ACSM4: variants seen among roughly 807,000 people sequenced by gnomAD.
ACSM4 encodes the protein acyl-coenzyme A synthetase ACSM4, mitochondrial.
ACSM4 carries 66 observed loss-of-function variants against 73.0 expected under a neutral mutation model. The ratio of observed to expected loss-of-function variants is 0.90; its 90% confidence interval spans 0.74 to 1.11. The LOEUF is 1.11. ACSM4 is among the 50% of genes least tolerant of loss of function. The pLI, the probability that ACSM4 is intolerant of heterozygous loss-of-function variation, is 0.00. For missense variants in ACSM4, 645 were observed against 714.4 expected, an observed-to-expected ratio of 0.90 and a Z score of 1.11; for synonymous variants, 222 against 254.0, an observed-to-expected ratio of 0.87 and a Z score of 1.20.
chr12:7,307,480 T>C (rs919312798), intron 2 of ACSM4, among the ~76,000 whole-genome samples: 2 of 152,112 alleles, frequency 1.3e-5, no homozygotes, highest in African/African-American at 4.8e-5. Context: ...AAAAAAAAGA[T>C]ACAACAAGAA....
rs956898548 is a variant in ACSM4, at chr12:7,317,314, C to T, written c.764+34C>T. The T allele has an allele frequency of 2.6e-6, 4 of 1,534,486 alleles. No homozygotes were observed. The Admixed American group carries it at 6.2e-5, about 24-fold the overall frequency. ...GAAAATTCAGTTTGTTTTTGGTGAA[C>T]TCCCCCAAAGCTGCGAATATGCGTA... On this transcript the variant is annotated intron_variant, in intron 4 of 12. Coordinates refer to ENST00000399422, the MANE Select transcript of ACSM4 (RefSeq NM_001080454.2).
chr12:7,318,131 CTG>C lies in ACSM4; in HGVS notation c.874_875del (p.Val292PhefsTer9). ...TGTTTTCTTCCTGGCTGTGTGGAGC[CTG>C]TGTTTTTGTGCATCGAATGGCACAG... ...SVFSSWLCGA[C>X]VFVHRMAQFD... is the part of the protein sequence containing the mutation. On this transcript the variant is annotated frameshift_variant, in exon 5 of 13. Coordinates refer to ENST00000399422, the MANE Select transcript of ACSM4 (RefSeq NM_001080454.2). LOFTEE classifies it high-confidence loss of function. The C allele has an allele frequency of 6.2e-7, 1 of 1,613,802 alleles. No individual in the cohort carries two copies. Among genetic ancestry groups the C allele is most frequent in the South Asian group, 1.1e-5 (1 of 91,066 alleles).
In ACSM4 at chr12:7,324,263, T is replaced by C. The variant is rs763753665; in HGVS notation, c.1309-10T>C. 7.4e-6 allele frequency: 12 copies of C among 1,611,194 alleles called. No individual in the cohort carries two copies. Among genetic ancestry groups the C allele is most frequent in the Non-Finnish European group, 1.0e-5 (12 of 1,179,094 alleles). The stretch of plus-strand genomic sequence containing the variant: ...CAGACTAATCCCCAAATGTCATCCT[T>C]GGTTCCCAGGACAATCCACAGAAAA... On this transcript the variant is annotated splice_polypyrimidine_tract_variant and intron_variant, in intron 9 of 12. Coordinates refer to ENST00000399422, the MANE Select transcript of ACSM4 (RefSeq NM_001080454.2).
intron 5 of ACSM4, among the ~76,000 whole-genome samples, chr12:7,320,087 T>A (rs939295048): frequency 1.3e-5 from 2 of 152,190 alleles, no homozygotes; most frequent in African/African-American, 4.8e-5. Flanking sequence ...TTAAGTTTAA[T>A]ACAAATTGTC....
At position 7,306,847 on chromosome 12, in the gene ACSM4, C is replaced by CAAAAAAAAA. The variant is rs59277746; in HGVS notation, c.412+113_412+121dup. On this transcript the variant is annotated intron_variant, in intron 2 of 12. Transcript: ENST00000399422. ...TGATTAAAAGTATGCATACAGAAGA[C>CAAAAAAAAA]AAAAAAAAAAAAAAAAAGAAGAGTT... The CAAAAAAAAA allele has an allele frequency of 3.5e-5, 17 of 488,336 alleles. 1 individual carries two copies. Among genetic ancestry groups the CAAAAAAAAA allele is most frequent in the Middle Eastern group, 6.0e-4 (1 of 1,656 alleles). 30.3% of individuals were successfully genotyped at this position (488,336 alleles called of 1,614,324 possible).
chr12:7,316,563 C>T (rs1029593167), intron 3 of ACSM4, among the ~76,000 whole-genome samples: 1 of 152,194 alleles, frequency 6.6e-6, no homozygotes, highest in African/African-American at 2.4e-5. Flanking sequence ...CAGGGACAGT[C>T]TCCCCTGAAG....
Position 7,304,194 on chromosome 12 carries a change from T to A in ACSM4, c.-138T>A. ...AGGTGTTTTTCAGGTGTTCCCCAAC[T>A]TGCCAGGGACACACAGCCACAAATC... On this transcript the variant is annotated 5_prime_UTR_variant, in exon 1 of 13. It adds an upstream start codon to the 5' untranslated region. Coordinates refer to ENST00000399422, the MANE Select transcript of ACSM4 (RefSeq NM_001080454.2). The A allele has an allele frequency of 1.1e-6, 1 of 893,676 alleles. No individual in the cohort carries two copies. The highest frequency in any genetic ancestry group is 1.7e-6 in the Non-Finnish European group (1 of 575,000). 55.4% of individuals were successfully genotyped at this position (893,676 alleles called of 1,614,324 possible).
chr12:7,304,650 CTTTG>C, intron 1 of ACSM4, 118 bp downstream of exon 1: 3 of 1,133,180 alleles, frequency 2.6e-6, no homozygotes, highest in Non-Finnish European at 3.8e-6. Context: ...TCTTGGTTTC[CTTTG>C]TTTGTTTTCC....
At chr12:7,324,210 T>C in intron 9 of ACSM4, 63 bp from the exon 10 acceptor site, 1 of 1,578,236 alleles carries the variant, frequency 6.3e-7, no homozygotes, top group Non-Finnish European at 8.6e-7. Context: ...AGTCACTTAA[T>C]GAGTGCCATA....
chr12:7,319,373 C>T (rs1389271384), intron 5 of ACSM4, among the ~76,000 whole-genome samples: 5 of 151,948 alleles, frequency 3.3e-5, no homozygotes, highest in Admixed American at 2.6e-4. Context: ...AGGTGGATCA[C>T]GAGGTCAGGA....
At position 7,310,683 on chromosome 12, in the gene ACSM4, A is replaced by C. The variant is rs1377527101; in HGVS notation, c.557A>C (p.Lys186Thr). ...ESIVLECPDL[K>T]TKLLVSPQSW... ...ATTGTATTGGAGTGTCCTGACCTTAAGACAAAACTCCTGGTGTCTCCACAA... is the reference window on the plus strand; with the variant it reads ...ATTGTATTGGAGTGTCCTGACCTTACGACAAAACTCCTGGTGTCTCCACAA... The change falls in exon 3 of 13, where the codon AAG (lysine) becomes ACG (threonine). Residue 186 changes from lysine (K) to threonine (T), a missense_variant. Physicochemically the swap from Lys to Thr is moderately conservative, Grantham distance 78. Transcript: ENST00000399422. 6 of 1,613,496 alleles carry C rather than the reference A, an allele frequency of 3.7e-6. No individual in the cohort carries two copies. Among genetic ancestry groups the C allele is most frequent in the Non-Finnish European group, 5.1e-6 (6 of 1,179,770 alleles).
At chr12:7,327,774 T>C (rs569473581) in intron 12 of ACSM4, among the ~76,000 whole-genome samples, 6 of 152,194 alleles carry the variant, frequency 3.9e-5, no homozygotes, top group South Asian at 2.1e-4. Flanking sequence ...GACTGTTGAC[T>C]TTCAGAAAGG....
Position 7,317,153 on chromosome 12 carries a change from C to G in ACSM4, c.637C>G (p.His213Asp). The change falls in exon 4 of 13, where the codon CAC becomes GAC. Residue 213 changes from histidine (H) to aspartate (D), a missense_variant. Transcript: ENST00000399422. The stretch of plus-strand genomic sequence containing the variant: ...ATTTTGCAGATTCGCCTCTGAAGAG[C>G]ACAGCTGTGTGGAAACAGGAAGTCA... ...QELFQFASEE[H>D]SCVETGSQEP... 4.3e-6 allele frequency: 7 copies of G among 1,612,622 alleles called. No homozygotes were observed. Among genetic ancestry groups the G allele is most frequent in the Non-Finnish European group, 5.9e-6 (7 of 1,179,342 alleles).
chr12:7,315,645 G>A (rs374533403), intron 3 of ACSM4, among the ~76,000 whole-genome samples: 9 of 152,078 alleles, frequency 5.9e-5, no homozygotes, highest in Middle Eastern at 3.4e-3. Context: ...ATAAAAATAT[G>A]ATACACCAGT....
chr12:7,307,572 A>G (rs942645550), intron 2 of ACSM4, among the ~76,000 whole-genome samples: 3 of 152,222 alleles, frequency 2.0e-5, no homozygotes, highest in African/African-American at 7.2e-5. Context: ...ATTTCAGACT[A>G]ACTAGTATAT....
intron 11 of ACSM4, 70 bp from the exon 12 acceptor site, chr12:7,326,906 A>T: frequency 6.8e-7 from 1 of 1,479,006 alleles, no homozygotes; most frequent in Non-Finnish European, 9.0e-7. Context: ...ACCTGTGTTC[A>T]GCATTTGTTG....
intron 6 of ACSM4, 137 bp from the exon 7 acceptor site, chr12:7,322,281 A>G (rs759476922): frequency 1.6e-6 from 2 of 1,229,384 alleles, no homozygotes; most frequent in South Asian, 1.3e-5. Flanking sequence ...CAGGTGTTCA[A>G]CAAGTATTTG....
chr12:7,310,003 C>T (rs972496991), intron 2 of ACSM4, among the ~76,000 whole-genome samples: 3 of 152,166 alleles, frequency 2.0e-5, no homozygotes, highest in Admixed American at 6.5e-5. Flanking sequence ...GGGGTGGTCT[C>T]GAACTCCTGG....
At chr12:7,307,038 A>G (rs992094805) in intron 2 of ACSM4, among the ~76,000 whole-genome samples, 1 of 152,136 alleles carries the variant, frequency 6.6e-6, no homozygotes, top group Non-Finnish European at 1.5e-5. Context: ...GTGGATCACG[A>G]AGTCAGGAGT....
Sources: allele counts gnomAD v4.1 joint callset (sites outside exome capture counted in the v4.1 genomes callset), GRCh38; gene constraint gnomAD v4.1.1; transcripts MANE v1.5; gene names NCBI Gene and HGNC (gene_info 2026-07-23, HGNC 2026-07-21).